IGSF21: variants seen among roughly 807,000 people sequenced by gnomAD.
The protein encoded by IGSF21 is immunoglobin superfamily member 21.
Under a neutral mutation model 46.8 loss-of-function variants are expected in IGSF21, and 28 were observed. That is an observed-to-expected ratio of 0.60 (90% CI 0.44 to 0.82). IGSF21 has a LOEUF of 0.82. Ranked by LOEUF, IGSF21 falls within the 40% of genes least tolerant of loss-of-function variation. The pLI, the probability that IGSF21 is intolerant of heterozygous loss-of-function variation, is 0.00. For missense variants in IGSF21, 624 were observed against 665.5 expected (o/e 0.94, Z 0.69); for synonymous variants, 284 against 273.6 (o/e 1.04, Z -0.38).
At chr1:18,283,530 G>C (rs1433223139) in intron 2 of IGSF21, among the ~76,000 whole-genome samples, 1 of 152,138 alleles carries the variant, frequency 6.6e-6, no homozygotes, top group Non-Finnish European at 1.5e-5. Context: ...GGGAGGTTTA[G>C]GGGAAGAGTG....
At position 18,122,422 on chromosome 1, in the gene IGSF21, C is replaced by T. The variant is rs1316030883; in HGVS notation, c.70+14224C>T. 2.6e-5 allele frequency among the ~76,000 whole-genome samples: 4 copies of T among 151,878 alleles called. No homozygotes were observed. The East Asian group carries it at 7.8e-4, about 29-fold the overall frequency. On this transcript the variant is annotated intron_variant, in intron 1 of 9. Transcript: ENST00000251296. ...GCCAGGCTGGTTTCAAACTCCTGAC[C>T]TCAAGTGATCTTCCTGCCTCGGCCT...
chr1:18,313,374 C>A (rs2085508237), intron 3 of IGSF21, among the ~76,000 whole-genome samples: 1 of 152,220 alleles, frequency 6.6e-6, no homozygotes, highest in African/African-American at 2.4e-5. Flanking sequence ...AGGCTCCTAG[C>A]CTCTGAATCC....
intron 1 of IGSF21, among the ~76,000 whole-genome samples, chr1:18,187,301 T>C (rs1226345476): frequency 1.3e-5 from 2 of 152,092 alleles, no homozygotes; most frequent in African/African-American, 4.8e-5. Context: ...AAGACACTAA[T>C]CCCATCATAA....
chr1:18,342,293 C>T (rs1443884102), intron 4 of IGSF21, among the ~76,000 whole-genome samples: 1 of 152,106 alleles, frequency 6.6e-6, no homozygotes, highest in East Asian at 1.9e-4. Context: ...GAGGTTTCTC[C>T]ATGTTGGCTA....
intron 1 of IGSF21, among the ~76,000 whole-genome samples, chr1:18,165,915 A>T (rs1246553686): frequency 1.3e-5 from 2 of 152,054 alleles, no homozygotes; most frequent in Non-Finnish European, 2.9e-5. Flanking sequence ...AAAAGTTCTA[A>T]GTTGCTAGCC....
At chr1:18,338,085 A>G (rs2124609148) in intron 4 of IGSF21, among the ~76,000 whole-genome samples, 1 of 152,216 alleles carries the variant, frequency 6.6e-6, no homozygotes, top group African/African-American at 2.4e-5. Context: ...CATTGCACAG[A>G]CCTGGCTCAG....
Position 18,304,718 on chromosome 1 carries a change from CACACACACACAT to C in IGSF21, c.305+12743_305+12754del, listed in dbSNP as rs1225419317. Among the ~76,000 whole-genome samples the C allele has an allele frequency of 9.2e-4, 74 of 80,146 alleles. 1 individual carries two copies. The highest frequency in any genetic ancestry group is 2.0e-3 in the Admixed American group (15 of 7,352). 52.6% of individuals were successfully genotyped at this position (80,146 alleles called of 152,430 possible). A position where few individuals can be genotyped will look rare whatever the true frequency, so the allele number is the denominator to read the frequency against. On this transcript the variant is annotated intron_variant, in intron 3 of 9. Transcript: ENST00000251296. ...ATCTACACACACACATACACACACA[CACACACACACAT>C]ACACACACACACACACATTATCCTT... is the stretch of plus-strand genomic sequence containing the variant.
chr1:18,252,505 T>C (rs1020573323), intron 2 of IGSF21, among the ~76,000 whole-genome samples: 16 of 152,232 alleles, frequency 1.1e-4, no homozygotes, highest in Non-Finnish European at 2.1e-4. Flanking sequence ...GCAGTCGACA[T>C]CTAAGCAGGG....
chr1:18,285,869 C>T (rs1355081665), intron 2 of IGSF21, among the ~76,000 whole-genome samples: 3 of 152,190 alleles, frequency 2.0e-5, no homozygotes, highest in African/African-American at 7.2e-5. Context: ...ACAGGGTAGG[C>T]GCCAATGTAT....
chr1:18,369,084 A>G (rs1204738300), intron 6 of IGSF21, among the ~76,000 whole-genome samples: 1 of 152,158 alleles, frequency 6.6e-6, no homozygotes, highest in African/African-American at 2.4e-5. Flanking sequence ...GGGCCTGGAC[A>G]GGCAGGTCTG....
Position 18,335,716 on chromosome 1 carries a change from A to G in IGSF21, c.424+706A>G, listed in dbSNP as rs1263398040. Among the ~76,000 whole-genome samples, 2 of 152,182 alleles carry G rather than the reference A, an allele frequency of 1.3e-5. No individual in the cohort carries two copies. The highest frequency in any genetic ancestry group is 2.9e-5 in the Non-Finnish European group (2 of 68,036). On this transcript the variant is annotated intron_variant, in intron 4 of 9. Transcript: ENST00000251296. This position sits in a 1 kb window ranked among gnomAD's most constrained non-coding sequence, Gnocchi z 4.8. Reference sequence around the variant, plus strand: ...AGACTCTGTGTTCTCCGGTTTTCTTATCAAATAATACGTATCAGGGAAACA... The same window carrying G: ...AGACTCTGTGTTCTCCGGTTTTCTTGTCAAATAATACGTATCAGGGAAACA...
At chr1:18,252,115 A>G (rs2084848701) in intron 2 of IGSF21, among the ~76,000 whole-genome samples, 1 of 130,454 alleles carries the variant, frequency 7.7e-6, no homozygotes, top group Non-Finnish European at 1.6e-5. Context: ...CAGTGGTGCA[A>G]TCTCGGCTCA....
chr1:18,292,475 C>A (rs2085276929), intron 3 of IGSF21, among the ~76,000 whole-genome samples: 1 of 152,214 alleles, frequency 6.6e-6, no homozygotes, highest in South Asian at 2.1e-4. Flanking sequence ...AGGTCAGAAG[C>A]AGCAGGGTGG....
At chr1:18,189,676 G>C (rs927692508) in intron 1 of IGSF21, among the ~76,000 whole-genome samples, 19 of 151,966 alleles carry the variant, frequency 1.3e-4, no homozygotes, top group Admixed American at 2.6e-4. Flanking sequence ...CACTGATGCA[G>C]TTCACAGTAG....
In IGSF21 at chr1:18,191,452, C is replaced by T. The variant is rs189827875; in HGVS notation, c.71-36446C>T. ...ACATCTCAGGGGGACCAGAGAAGGACTCCCGGAGCAGGAGATTATGTGAGG... is the reference window on the plus strand; with the variant it reads ...ACATCTCAGGGGGACCAGAGAAGGATTCCCGGAGCAGGAGATTATGTGAGG... On this transcript the variant is annotated intron_variant, in intron 1 of 9. Coordinates refer to ENST00000251296, the MANE Select transcript of IGSF21 (RefSeq NM_032880.5). Among the ~76,000 whole-genome samples, 154 of 152,248 alleles carry T rather than the reference C, an allele frequency of 1.0e-3. 1 individual carries two copies. The highest frequency in any genetic ancestry group is 3.6e-3 in the African/African-American group (148 of 41,558).
intron 2 of IGSF21, among the ~76,000 whole-genome samples, chr1:18,283,588 C>A (rs542431258): frequency 6.6e-6 from 1 of 151,980 alleles, no homozygotes; most frequent in African/African-American, 2.4e-5. Flanking sequence ...CTGTGCCCCT[C>A]CCCCTACACA....
At chr1:18,193,102 G>C (rs2086973246) in intron 1 of IGSF21, among the ~76,000 whole-genome samples, 1 of 152,054 alleles carries the variant, frequency 6.6e-6, no homozygotes, top group African/African-American at 2.4e-5. Context: ...GGAAGGGGGT[G>C]AGGGCTGTGT....
chr1:18,108,532 G>A (rs1462993042), intron 1 of IGSF21, among the ~76,000 whole-genome samples: 1 of 151,786 alleles, frequency 6.6e-6, no homozygotes, highest in Non-Finnish European at 1.5e-5. Flanking sequence ...GATGGTGTGG[G>A]GTCTGCGTGT....
chr1:18,207,450 T>C (rs992306974), intron 1 of IGSF21, among the ~76,000 whole-genome samples: 6 of 152,166 alleles, frequency 3.9e-5, no homozygotes, highest in Admixed American at 3.3e-4. Flanking sequence ...ATGTGAGGCA[T>C]GGTTTAGCTC....
Sources: allele counts gnomAD v4.1 joint callset (sites outside exome capture counted in the v4.1 genomes callset), GRCh38; gene constraint gnomAD v4.1.1; non-coding constraint Gnocchi (gnomAD v3.1); transcripts MANE v1.5; gene names NCBI Gene and HGNC (gene_info 2026-07-23, HGNC 2026-07-21).